The following THSD7A variants were observed in gnomAD, a reference collection of about 807,000 sequenced individuals.
The protein encoded by THSD7A is thrombospondin type-1 domain-containing protein 7A.
THSD7A carries 96 observed loss-of-function variants against 231.3 expected under a neutral mutation model. The observed-to-expected ratio is 0.41, with a 90% CI of 0.35 to 0.49. THSD7A has a LOEUF of 0.49. Among genes scored for constraint, THSD7A ranks in the 20% least tolerant of loss-of-function variants. The probability of loss-of-function intolerance (pLI) is 0.05; values close to 1 mark genes in which losing one functional copy is unlikely to be tolerated. For synonymous variants in THSD7A, 940 were observed against 743.3 expected (o/e 1.26, Z -4.30); for missense variants, 2,290 against 2,070.2 (o/e 1.11, Z -2.06).
intron 1 of THSD7A, among the ~76,000 whole-genome samples, chr7:11,673,573 A>C (rs1526529): frequency 0.4 from 60,351 of 151,864 alleles, 12,090 homozygotes; most frequent in Admixed American, 0.49. Context: ...CACTTACTTC[A>C]TGGCCCCTCC....
At position 11,811,914 on chromosome 7, in the gene THSD7A, A is replaced by G. The variant is rs75395597; in HGVS notation, c.190+19843T>C. Among the ~76,000 whole-genome samples the G allele has an allele frequency of 6.1e-3, 934 of 152,318 alleles. 11 individuals carry two copies. The highest frequency in any genetic ancestry group is 0.022 in the African/African-American group (899 of 41,568). ...TCTATTGTTGATAATATGCCTATTC[A>G]TGAAATTACATCAGTTTATATACTT... On this transcript the variant is annotated intron_variant, in intron 1 of 27. Transcript: ENST00000423059.
intron 1 of THSD7A, among the ~76,000 whole-genome samples, chr7:11,708,672 A>G (rs1264152392): frequency 6.6e-6 from 1 of 150,742 alleles, no homozygotes; most frequent in Non-Finnish European, 1.5e-5. Flanking sequence ...CTCTAGCTCA[A>G]GGGTGTCTGC....
intron 1 of THSD7A, among the ~76,000 whole-genome samples, chr7:11,766,197 G>A (rs898795326): frequency 6.6e-6 from 1 of 152,102 alleles, no homozygotes; most frequent in Non-Finnish European, 1.5e-5. Flanking sequence ...AACTATGACA[G>A]TCCATTTAGC....
chr7:11,713,953 T>G (rs562034118), intron 1 of THSD7A, among the ~76,000 whole-genome samples: 167 of 151,084 alleles, frequency 1.1e-3, no homozygotes, highest in Non-Finnish European at 2.1e-3. Context: ...AGCAAATATA[T>G]TAGAATAGAA....
At chr7:11,595,735 A>G (rs1223026601) in intron 2 of THSD7A, among the ~76,000 whole-genome samples, 1 of 152,230 alleles carries the variant, frequency 6.6e-6, no homozygotes, top group African/African-American at 2.4e-5. Flanking sequence ...TCTTCTCTGT[A>G]TGTCAGATCT....
intron 15 of THSD7A, among the ~76,000 whole-genome samples, chr7:11,425,785 GCA>G (rs1262496898): frequency 2.7e-5 from 4 of 148,166 alleles, no homozygotes; most frequent in Admixed American, 6.8e-5. Context: ...GAGACAGAGA[GCA>G]AGAGAGAGAG....
At chr7:11,393,872 G>T (rs1783078821) in intron 23 of THSD7A, among the ~76,000 whole-genome samples, 1 of 152,078 alleles carries the variant, frequency 6.6e-6, no homozygotes, top group African/African-American at 2.4e-5. Context: ...TATGTGAAAA[G>T]ACTAAATCTG....
intron 4 of THSD7A, among the ~76,000 whole-genome samples, chr7:11,546,164 A>C (rs1206780325): frequency 1.8e-5 from 2 of 110,538 alleles, no homozygotes; most frequent in Non-Finnish European, 1.9e-5. Context: ...AGGGCCCACC[A>C]CCCTGTTGCT....
intron 13 of THSD7A, among the ~76,000 whole-genome samples, chr7:11,431,204 C>T (rs1332453936): frequency 2.0e-5 from 3 of 152,136 alleles, no homozygotes; most frequent in Non-Finnish European, 2.9e-5. Flanking sequence ...TTTTAAATGT[C>T]AATGAAGTCC....
At chr7:11,754,850 T>G (rs1203177319) in intron 1 of THSD7A, among the ~76,000 whole-genome samples, 2 of 152,108 alleles carry the variant, frequency 1.3e-5, no homozygotes, top group African/African-American at 4.8e-5. Flanking sequence ...AAGAATATAA[T>G]AATAGAACTA....
intron 1 of THSD7A, among the ~76,000 whole-genome samples, chr7:11,660,008 A>T (rs1782867702): frequency 6.6e-6 from 1 of 151,568 alleles, no homozygotes; most frequent in Non-Finnish European, 1.5e-5. Context: ...AAGGTAATTT[A>T]CATGTGTATT....
intron 1 of THSD7A, among the ~76,000 whole-genome samples, chr7:11,741,454 G>T (rs1056680140): frequency 2.6e-5 from 4 of 151,798 alleles, no homozygotes; most frequent in Non-Finnish European, 5.9e-5. Flanking sequence ...GGTTAATTTT[G>T]TGGGAATATA....
chr7:11,434,998 CAAT>C (rs1418330415), intron 13 of THSD7A, among the ~76,000 whole-genome samples: 1 of 151,666 alleles, frequency 6.6e-6, no homozygotes, highest in Non-Finnish European at 1.5e-5. Context: ...AAGTATAATA[CAAT>C]ATTATTTTAA....
chr7:11,475,398 C>G (rs1237266204), intron 7 of THSD7A, among the ~76,000 whole-genome samples: 1 of 151,878 alleles, frequency 6.6e-6, no homozygotes, highest in Non-Finnish European at 1.5e-5. Flanking sequence ...CCCGGTTTTT[C>G]TTTGCAGAAA....
intron 6 of THSD7A, among the ~76,000 whole-genome samples, chr7:11,487,173 C>G (rs1786691981): frequency 6.6e-6 from 1 of 152,128 alleles, no homozygotes; most frequent in African/African-American, 2.4e-5. Context: ...ATGAATGCCA[C>G]CACACTCTCA....
At position 11,406,605 on chromosome 7, in the gene THSD7A, G is replaced by A. The variant is rs1021905238; in HGVS notation, c.4063-131C>T. 1.4e-5 allele frequency: 15 copies of A among 1,042,016 alleles called. No individual in the cohort carries two copies. In the Admixed American group the frequency reaches 4.5e-4, roughly 31 times the overall value. 64.5% of individuals were successfully genotyped at this position (1,042,016 alleles called of 1,614,324 possible). On this transcript the variant is annotated intron_variant, in intron 21 of 27. Coordinates refer to ENST00000423059, the MANE Select transcript of THSD7A (RefSeq NM_015204.3). This position sits in a 1 kb window ranked among gnomAD's most constrained non-coding sequence, Gnocchi z 4.7. Reference sequence around the variant, plus strand: ...GAGAAGGATTTGAAACCCTAGGGAAGAAGCCCTATAGGGCACTAGCAATAA... The same window carrying A: ...GAGAAGGATTTGAAACCCTAGGGAAAAAGCCCTATAGGGCACTAGCAATAA...
chr7:11,642,067 G>A (rs1340251966), intron 1 of THSD7A, among the ~76,000 whole-genome samples: 1 of 152,174 alleles, frequency 6.6e-6, no homozygotes, highest in African/African-American at 2.4e-5. Flanking sequence ...TAACTACCAT[G>A]TTTCAAGGGG....
At chr7:11,769,985 T>G (rs1428335464) in intron 1 of THSD7A, among the ~76,000 whole-genome samples, 1 of 152,118 alleles carries the variant, frequency 6.6e-6, no homozygotes, top group Non-Finnish European at 1.5e-5. Flanking sequence ...ATGGCATTTG[T>G]CAAAGACAAA....
chr7:11,616,038 T>C (rs987059154), intron 2 of THSD7A, among the ~76,000 whole-genome samples: 1 of 152,256 alleles, frequency 6.6e-6, no homozygotes. Context: ...AATTTTTATA[T>C]ATTACTAATG....
Sources: gnomAD v4.1 joint callset for allele counts (sites outside exome capture counted in the v4.1 genomes callset) on GRCh38, gnomAD v4.1.1 for gene constraint, Gnocchi (gnomAD v3.1) non-coding constraint, MANE v1.5 for transcripts, NCBI Gene and HGNC (gene_info 2026-07-23, HGNC 2026-07-21) for gene names.